Variants in FAM210A observed in about 807,000 individuals in gnomAD.
The protein encoded by FAM210A is mitochondrial inner membrane scaffold 1.
In FAM210A, 13 loss-of-function variants were observed where a neutral mutation model predicts 25.3. That is an observed-to-expected ratio of 0.51 (90% CI 0.33 to 0.82). FAM210A has a LOEUF of 0.82. Ranked by LOEUF, FAM210A falls within the 40% of genes least tolerant of loss-of-function variation. The pLI is 0.02. For missense variants in FAM210A, 319 were observed against 323.2 expected (o/e 0.99, Z 0.10); for synonymous variants, 125 against 118.7 (o/e 1.05, Z -0.35).
chr18:13,680,215 A>T (rs1488071879), intron 2 of FAM210A, among the ~76,000 whole-genome samples: 1 of 152,250 alleles, frequency 6.6e-6, no homozygotes, highest in Non-Finnish European at 1.5e-5. Context: ...TGCCTACAAT[A>T]ACTTTTGATC....
At chr18:13,691,966 TAA>T (rs1210009269) in intron 1 of FAM210A, among the ~76,000 whole-genome samples, 2 of 125,650 alleles carry the variant, frequency 1.6e-5, no homozygotes, top group Admixed American at 1.7e-4. Context: ...GCAAATTGGA[TAA>T]AGAGTCAAGA....
intron 1 of FAM210A, among the ~76,000 whole-genome samples, chr18:13,725,725 C>T (rs1468868006): frequency 6.6e-6 from 1 of 152,152 alleles, no homozygotes; most frequent in African/African-American, 2.4e-5. Context: ...AGTTTCAGTA[C>T]AGTAGGCGCT....
chr18:13,703,761 T>C (rs1177522186), intron 1 of FAM210A, among the ~76,000 whole-genome samples: 4 of 152,228 alleles, frequency 2.6e-5, no homozygotes, highest in Non-Finnish European at 5.9e-5. Context: ...AAACAAGCAC[T>C]TAAACATTTT....
chr18:13,671,741 G>C, intron 3 of FAM210A, 121 bp downstream of exon 3: 1 of 572,288 alleles, frequency 1.7e-6, no homozygotes, highest in Non-Finnish European at 3.2e-6. Flanking sequence ...ACATATCAGA[G>C]ATGAAATACA....
At chr18:13,698,975 G>A (rs1476239811) in intron 1 of FAM210A, among the ~76,000 whole-genome samples, 1 of 152,062 alleles carries the variant, frequency 6.6e-6, no homozygotes, top group Non-Finnish European at 1.5e-5. Context: ...TTTAACTCTC[G>A]TCTTCCCTTC....
At chr18:13,708,372 G>A (rs925668942) in intron 1 of FAM210A, among the ~76,000 whole-genome samples, 1 of 152,196 alleles carries the variant, frequency 6.6e-6, no homozygotes, top group African/African-American at 2.4e-5. Context: ...TATCAAGTCT[G>A]TTGTTCAAGA....
intron 1 of FAM210A, among the ~76,000 whole-genome samples, chr18:13,723,348 G>T (rs2043911837): frequency 6.6e-6 from 1 of 152,154 alleles, no homozygotes; most frequent in South Asian, 2.1e-4. Context: ...CAGAGATACA[G>T]AACTGATAGG....
At chr18:13,704,703 T>A (rs1476554314) in intron 1 of FAM210A, among the ~76,000 whole-genome samples, 1 of 152,212 alleles carries the variant, frequency 6.6e-6, no homozygotes, top group Non-Finnish European at 1.5e-5. Context: ...TAAAAAATTA[T>A]GTTTAACTCT....
chr18:13,725,393 GCTAATGCCCACAA>G (rs2043932492), intron 1 of FAM210A, among the ~76,000 whole-genome samples: 1 of 152,166 alleles, frequency 6.6e-6, no homozygotes, highest in Non-Finnish European at 1.5e-5. Flanking sequence ...CCTCAAATGG[GCTAATGCCCACAA>G]TTTAGAAGTG....
intron 2 of FAM210A, among the ~76,000 whole-genome samples, chr18:13,672,651 G>A (rs117468959): frequency 0.036 from 5,521 of 152,222 alleles, 166 homozygotes; most frequent in African/African-American, 0.074. Context: ...CTCATGATCT[G>A]CCCGCCGCAG....
intron 1 of FAM210A, among the ~76,000 whole-genome samples, chr18:13,707,863 A>G (rs575518896): frequency 5.9e-5 from 9 of 152,024 alleles, no homozygotes; most frequent in African/African-American, 2.2e-4. Flanking sequence ...AGCTGTTTCT[A>G]TATCTCACTT....
In FAM210A at chr18:13,679,366, T is replaced by C. The variant is rs74491308; in HGVS notation, c.473+2239A>G. 1.3e-3 allele frequency among the ~76,000 whole-genome samples: 202 copies of C among 152,374 alleles called. 2 individuals carry two copies. In the East Asian group the frequency reaches 0.018, roughly 14 times the overall value. Reference sequence around the variant, plus strand: ...TATAACTAGCCTCTTGTCAGGTGAATTGACAATCTGTATTTAGTATAATCA... The same window carrying C: ...TATAACTAGCCTCTTGTCAGGTGAACTGACAATCTGTATTTAGTATAATCA... On this transcript the variant is annotated intron_variant, in intron 2 of 3. Coordinates refer to ENST00000651643, the MANE Select transcript of FAM210A (RefSeq NM_152352.4).
At chr18:13,709,735 G>A (rs949348149) in intron 1 of FAM210A, among the ~76,000 whole-genome samples, 22 of 152,082 alleles carry the variant, frequency 1.4e-4, no homozygotes, top group African/African-American at 4.6e-4. Context: ...AGGCTTGCTG[G>A]CACACAGGAG....
chr18:13,693,739 G>A (rs1468852576), intron 1 of FAM210A, among the ~76,000 whole-genome samples: 2 of 151,332 alleles, frequency 1.3e-5, no homozygotes, highest in Non-Finnish European at 2.9e-5. Context: ...TTGATGGGCT[G>A]TATCTCAAAA....
Position 13,664,942 on chromosome 18 carries a change from C to A in FAM210A, c.*1538G>T, listed in dbSNP as rs578034311. The stretch of plus-strand genomic sequence containing the variant: ...CCAATTAGCAATTGAAGGGTTAGAA[C>A]TGAAATAGTCACTGTTAGAGCACAG... On this transcript the variant is annotated 3_prime_UTR_variant, in exon 4 of 4. Transcript: ENST00000651643. 2 of 152,578 alleles carry A rather than the reference C, an allele frequency of 1.3e-5. No individual in the cohort carries two copies. The highest frequency in any genetic ancestry group is 4.8e-5 in the African/African-American group (2 of 41,534). 9.5% of individuals were successfully genotyped at this position (152,578 alleles called of 1,614,324 possible).
At chr18:13,700,698 A>G (rs1333571652) in intron 1 of FAM210A, among the ~76,000 whole-genome samples, 1 of 152,224 alleles carries the variant, frequency 6.6e-6, no homozygotes, top group Non-Finnish European at 1.5e-5. Context: ...CAAACTAAAT[A>G]TGGCCTAAGA....
At chr18:13,673,306 T>C (rs1445975368) in intron 2 of FAM210A, among the ~76,000 whole-genome samples, 2 of 148,552 alleles carry the variant, frequency 1.3e-5, no homozygotes, top group Admixed American at 1.3e-4. Context: ...TTATTTCCAG[T>C]TTCCTGATTA....
chr18:13,685,789 C>T (rs932493190), intron 1 of FAM210A, among the ~76,000 whole-genome samples: 5 of 152,186 alleles, frequency 3.3e-5, no homozygotes, highest in African/African-American at 1.2e-4. Flanking sequence ...ACCCTGGTCA[C>T]TCATTTGGTT....
chr18:13,677,662 T>C (rs2043516916), intron 2 of FAM210A, among the ~76,000 whole-genome samples: 1 of 152,092 alleles, frequency 6.6e-6, no homozygotes, highest in Non-Finnish European at 1.5e-5. Flanking sequence ...ACTTCTTTCT[T>C]TGGAGGCAGA....
Sources: gnomAD v4.1 joint callset for allele counts (sites outside exome capture counted in the v4.1 genomes callset) on GRCh38, gnomAD v4.1.1 for gene constraint, MANE v1.5 for transcripts, NCBI Gene and HGNC (gene_info 2026-07-23, HGNC 2026-07-21) for gene names.